RNPS1: variants seen among roughly 807,000 people sequenced by gnomAD.
RNPS1 encodes the protein RNA-binding protein with serine-rich domain 1.
For missense variants in RNPS1, 300 were observed against 427.6 expected, an observed-to-expected ratio of 0.70 and a Z score of 2.63; for synonymous variants, 147 against 150.0, an observed-to-expected ratio of 0.98 and a Z score of 0.15.
intron 6 of RNPS1, chr16:2,256,524 C>T (rs1163323062): frequency 6.6e-6 from 1 of 152,338 alleles, no homozygotes; most frequent in South Asian, 2.1e-4. Flanking sequence ...TGCCACGGCA[C>T]TCTAGCCTGG....
intron 5 of RNPS1, 136 bp downstream of exon 5, chr16:2,262,603 GA>G: frequency 1.0e-6 from 1 of 954,516 alleles, no homozygotes; most frequent in Non-Finnish European, 1.6e-6. Flanking sequence ...GGTCCACCAA[GA>G]GGAACGAATC....
chr16:2,266,603 C>T (rs1305372143), intron 1 of RNPS1: 1 of 985,320 alleles, frequency 1.0e-6, no homozygotes, highest in African/African-American at 1.7e-5. Flanking sequence ...TCTCCACGTC[C>T]GGAGGCTCCT....
intron 1 of RNPS1, chr16:2,265,486 AT>A (rs34309123): frequency 0.13 from 18,745 of 143,176 alleles, 1,423 homozygotes; most frequent in Non-Finnish European, 0.19. Flanking sequence ...TTAACCTCTG[AT>A]TTTTTTTTTT....
intron 1 of RNPS1, 76 bp downstream of exon 1, chr16:2,267,979 G>A (rs2093632344): frequency 6.5e-7 from 1 of 1,533,212 alleles, no homozygotes; most frequent in Non-Finnish European, 8.7e-7. Context: ...GAGTGGACCG[G>A]CTTCACGAGG....
intron 2 of RNPS1, 80 bp downstream of exon 2, chr16:2,264,493 T>G: frequency 1.3e-6 from 2 of 1,540,970 alleles, no homozygotes; most frequent in South Asian, 1.1e-5. Context: ...ATGCAGAACA[T>G]TCTCAACTTT....
Position 2,263,056 on chromosome 16 carries a change from C to T in RNPS1, c.419+40G>A, listed in dbSNP as rs1461286059. ...AACCTCGATGGTAAATCTGTAGCCC[C>T]GAGCTTGTAAACTTTAGCTCCCAGG... On this transcript the variant is annotated intron_variant, in intron 4 of 7. Coordinates refer to ENST00000320225, the MANE Select transcript of RNPS1 (RefSeq NM_080594.4). 5.6e-6 allele frequency: 9 copies of T among 1,597,366 alleles called. No individual in the cohort carries two copies. In the Admixed American group the frequency reaches 6.8e-5, roughly 12 times the overall value.
At chr16:2,260,833 C>T (rs1182508727) in intron 6 of RNPS1, among the ~76,000 whole-genome samples, 1 of 152,016 alleles carries the variant, frequency 6.6e-6, no homozygotes, top group African/African-American at 2.4e-5. Context: ...ATGGGAAGCC[C>T]CCAAAAAAAA....
intron 6 of RNPS1, among the ~76,000 whole-genome samples, chr16:2,260,588 A>C (rs934236350): frequency 5.9e-5 from 9 of 152,204 alleles, no homozygotes; most frequent in African/African-American, 2.2e-4. Flanking sequence ...TAATGGACAA[A>C]AACCTCAAGT....
At chr16:2,264,019 C>T (rs2093614482) in intron 3 of RNPS1, 157 bp downstream of exon 3, 1 of 871,402 alleles carries the variant, frequency 1.1e-6, no homozygotes, top group African/African-American at 1.7e-5. Context: ...CATGAGCCAC[C>T]ACTGCACCTA....
At chr16:2,265,955 C>T (rs576889504) in intron 1 of RNPS1, 95 of 248,166 alleles carry the variant, frequency 3.8e-4, no homozygotes, top group African/African-American at 1.8e-3. Flanking sequence ...GCTCAAATAA[C>T]GGTAACAAAT....
At chr16:2,261,759 A>G (rs1172607018) in intron 6 of RNPS1, among the ~76,000 whole-genome samples, 1 of 152,216 alleles carries the variant, frequency 6.6e-6, no homozygotes, top group Non-Finnish European at 1.5e-5. Context: ...AGCCAGTTTT[A>G]TTGGGAAGAA....
intron 6 of RNPS1, chr16:2,258,484 G>A (rs995411594): frequency 6.6e-6 from 1 of 152,198 alleles, no homozygotes; most frequent in African/African-American, 2.4e-5. Flanking sequence ...CAGCACTTTG[G>A]GAGGTTGAGG....
Position 2,254,653 on chromosome 16 carries a change from G to A in RNPS1, c.819-590C>T, listed in dbSNP as rs145866184. On this transcript the variant is annotated intron_variant, in intron 7 of 7. Coordinates refer to ENST00000320225, the MANE Select transcript of RNPS1 (RefSeq NM_080594.4). ...TCACCATGTTGGCCAGGATGGTCTC[G>A]ACCTCCTGACCTTGTGATCCACCCA... Among the ~76,000 whole-genome samples, 990 of 151,446 alleles carry A rather than the reference G, an allele frequency of 6.5e-3. 10 individuals are homozygous for A. The highest frequency in any genetic ancestry group is 0.023 in the African/African-American group (934 of 41,228).
At chr16:2,254,199 G>T in intron 7 of RNPS1, 136 bp from the exon 8 acceptor site, 2 of 614,586 alleles carry the variant, frequency 3.3e-6, no homozygotes, top group East Asian at 3.3e-5. Flanking sequence ...GCAGTGGCAC[G>T]ATCTCAGCTC....
Position 2,253,649 on chromosome 16 carries a change from A to C in RNPS1, c.*315T>G. 2.0e-6 allele frequency: 1 copy of C among 490,342 alleles called. No individual in the cohort carries two copies. Among genetic ancestry groups the C allele is most frequent in the Non-Finnish European group, 3.7e-6 (1 of 269,656 alleles). 30.4% of individuals were successfully genotyped at this position (490,342 alleles called of 1,614,324 possible). On this transcript the variant is annotated 3_prime_UTR_variant, in exon 8 of 8. Coordinates refer to ENST00000320225, the MANE Select transcript of RNPS1 (RefSeq NM_080594.4). ...TCGGGGAAGGGAAAAGTGTGCTCCC[A>C]GGTAAGCAGGGTCAAACCACCCCCA...
At chr16:2,262,711 T>C in intron 5 of RNPS1, 29 bp downstream of exon 5, 2 of 1,584,624 alleles carry the variant, frequency 1.3e-6, no homozygotes, top group Non-Finnish European at 1.7e-6. Context: ...CACACCCCAC[T>C]GCCCACAGGA....
intron 6 of RNPS1, chr16:2,257,350 C>T (rs2093583422): frequency 6.6e-6 from 1 of 152,180 alleles, no homozygotes; most frequent in Admixed American, 6.5e-5. Flanking sequence ...TCAGAACATA[C>T]TTAAGAGGTT....
At chr16:2,260,442 A>G (rs892652331) in intron 6 of RNPS1, among the ~76,000 whole-genome samples, 4 of 152,154 alleles carry the variant, frequency 2.6e-5, no homozygotes, top group African/African-American at 4.8e-5. Flanking sequence ...TTATAGCAAT[A>G]TAGTTATTTG....
At chr16:2,259,465 G>C (rs951101615) in intron 6 of RNPS1, among the ~76,000 whole-genome samples, 2 of 152,162 alleles carry the variant, frequency 1.3e-5, no homozygotes, top group African/African-American at 2.4e-5. Context: ...TTGTTGTCTT[G>C]TTTTAATCCT....
Sources: allele counts gnomAD v4.1 joint callset (sites outside exome capture counted in the v4.1 genomes callset), GRCh38; gene constraint gnomAD v4.1.1; transcripts MANE v1.5; gene names NCBI Gene and HGNC (gene_info 2026-07-23, HGNC 2026-07-21).